Variants in MBIP observed in about 807,000 individuals in gnomAD.
MBIP encodes the protein MAP3K12-binding inhibitory protein 1.
MBIP carries 32 observed loss-of-function variants against 45.7 expected under a neutral mutation model. That is an observed-to-expected ratio of 0.70 (90% confidence interval 0.53 to 0.94). The LOEUF is 0.94. MBIP is among the 40% of genes least tolerant of loss of function. The pLI, the probability that MBIP is intolerant of heterozygous loss-of-function variation, is 0.00. For synonymous variants in MBIP, 145 were observed against 141.0 expected (o/e 1.03, Z -0.20); for missense variants, 381 against 405.5 (o/e 0.94, Z 0.52).
chr14:36,306,038 T>C (rs1879857231), intron 7 of MBIP, among the ~76,000 whole-genome samples: 1 of 152,214 alleles, frequency 6.6e-6, no homozygotes, highest in African/African-American at 2.4e-5. Context: ...AAATATCGTG[T>C]TCACAAATCA....
intron 8 of MBIP, among the ~76,000 whole-genome samples, chr14:36,300,523 T>G (rs1414666454): frequency 6.6e-6 from 1 of 152,210 alleles, no homozygotes; most frequent in Non-Finnish European, 1.5e-5. Context: ...CACTTACTAT[T>G]TTTAAGCACT....
chr14:36,304,908 G>A (rs978021690), intron 7 of MBIP, among the ~76,000 whole-genome samples: 4 of 152,134 alleles, frequency 2.6e-5, no homozygotes, highest in Admixed American at 1.3e-4. Context: ...ATGTGAATCT[G>A]AATAAACACA....
intron 7 of MBIP, among the ~76,000 whole-genome samples, chr14:36,304,731 G>A (rs917662723): frequency 1.3e-5 from 2 of 152,100 alleles, no homozygotes; most frequent in African/African-American, 2.4e-5. Flanking sequence ...ATGTCTGGTC[G>A]TAAAATGAGA....
Position 36,308,198 on chromosome 14 carries a change from AT to A in MBIP, c.791-10del. 1 of 1,392,016 alleles carries A rather than the reference AT, an allele frequency of 7.2e-7. No homozygotes were observed. The highest frequency in any genetic ancestry group is 1.0e-6 in the Non-Finnish European group (1 of 1,004,032). The allele number at this position is 1,392,016 out of a possible 1,614,324, so 86.2% of individuals were successfully genotyped here. The stretch of plus-strand genomic sequence containing the variant: ...TCTTGGCACTGGACCACCTAAATAC[AT>A]TAAAAAAAAATCTGAGATACTATTG... On this transcript the variant is annotated splice_polypyrimidine_tract_variant and intron_variant, in intron 6 of 8. Transcript: ENST00000416007.
rs191454662 is a variant in MBIP, at chr14:36,320,620, C to G, written c.-32G>C. ...TTCTCAGGCCGCCCCACCACCACCA[C>G]CACCAAGATTTGCTCACAACCCCGC... On this transcript the variant is annotated 5_prime_UTR_variant, in exon 1 of 9. Transcript: ENST00000416007. The G allele has an allele frequency of 6.5e-5, 102 of 1,577,820 alleles. No individual in the cohort carries two copies. In the East Asian group the frequency reaches 1.8e-3, roughly 28 times the overall value.
At position 36,299,204 on chromosome 14, in the gene MBIP, C is replaced by T. The variant is rs757317256; in HGVS notation, c.928-14G>A. 86 of 1,559,858 alleles carry T rather than the reference C, an allele frequency of 5.5e-5. No individual in the cohort carries two copies. The highest frequency in any genetic ancestry group is 2.0e-4 in the East Asian group (9 of 44,554). The stretch of plus-strand genomic sequence containing the variant: ...TGAATAGTTCTGCTGTAAACAATAA[C>T]GACACAAATTGCTGAATAAGATTCT... On this transcript the variant is annotated splice_polypyrimidine_tract_variant and intron_variant, in intron 8 of 8. Transcript: ENST00000416007.
chr14:36,312,082 G>A, intron 4 of MBIP, 58 bp from the exon 5 acceptor site: 1 of 932,144 alleles, frequency 1.1e-6, no homozygotes, highest in East Asian at 2.7e-5. Flanking sequence ...AAATGTATGA[G>A]ATTTTAATAA....
chr14:36,316,739 G>A lies in MBIP; in HGVS notation c.203C>T (p.Pro68Leu). 6.2e-7 allele frequency: 1 copy of A among 1,613,038 alleles called. No homozygotes were observed. The highest frequency in any genetic ancestry group is 2.2e-5 in the East Asian group (1 of 44,844). ...NKLQSLSAFQPALLFSALEQH... is the reference protein window; with the variant it reads ...NKLQSLSAFQLALLFSALEQH... ...TTCAAGTGCACTAAAGAGCAATGCA[G>A]GCTGGAATGCCGAGAGGCTCTGGAG... The change falls in exon 2 of 9, where the codon CCT becomes CTT. Residue 68 changes from proline to leucine, a missense_variant. Transcript: ENST00000416007.
chr14:36,299,859 T>C (rs534048528), intron 8 of MBIP, among the ~76,000 whole-genome samples: 1 of 152,176 alleles, frequency 6.6e-6, no homozygotes, highest in Admixed American at 6.6e-5. Flanking sequence ...CTCACTTATA[T>C]ATTAATATTT....
intron 4 of MBIP, among the ~76,000 whole-genome samples, chr14:36,312,719 G>C (rs1428645253): frequency 1.3e-5 from 2 of 151,902 alleles, no homozygotes; most frequent in East Asian, 3.9e-4. Flanking sequence ...AATTACAAAA[G>C]GGGAAAATTG....
In MBIP at chr14:36,312,161, T is replaced by C. The variant is rs1413741685; in HGVS notation, c.572-137A>G. 8.5e-6 allele frequency: 4 copies of C among 472,646 alleles called. No homozygotes were observed. The East Asian group carries it at 1.4e-4, about 16-fold the overall frequency. The allele number at this position is 472,646 out of a possible 1,614,324, so 29.3% of individuals were successfully genotyped here. A position where few individuals can be genotyped will look rare whatever the true frequency, so the allele number is the denominator to read the frequency against. On this transcript the variant is annotated intron_variant, in intron 4 of 8. Transcript: ENST00000416007. ...ATAAATAATAGTAACAATAAATTAC[T>C]ATCACACATAGGATAGAATTTAGTG... is the stretch of plus-strand genomic sequence containing the variant.
chr14:36,319,159 T>C (rs1447119135), intron 1 of MBIP, among the ~76,000 whole-genome samples: 1 of 152,194 alleles, frequency 6.6e-6, no homozygotes, highest in Non-Finnish European at 1.5e-5. Flanking sequence ...CATTGCTCAG[T>C]ATTTTTTAAA....
At position 36,300,799 on chromosome 14, in the gene MBIP, C is replaced by T. The variant is rs976486813; in HGVS notation, c.913G>A (p.Val305Ile). ...SVSFSGKRRK[V>I]QPPQQNYSLA... ...CAGTAACTTACTTGAGGTGGTTGAA[C>T]TTTTCTTCTTTTTCCAGAAAAGCTC... Residue 305 changes from valine to isoleucine, a missense_variant, in exon 8 of 9, where the codon GTT becomes ATT. Coordinates refer to ENST00000416007, the MANE Select transcript of MBIP (RefSeq NM_016586.3). 6.5e-7 allele frequency: 1 copy of T among 1,541,492 alleles called. No individual in the cohort carries two copies. The highest frequency in any genetic ancestry group is 8.8e-7 in the Non-Finnish European group (1 of 1,136,532).
At chr14:36,303,907 C>T (rs1484524481) in intron 7 of MBIP, among the ~76,000 whole-genome samples, 1 of 152,028 alleles carries the variant, frequency 6.6e-6, no homozygotes, top group African/African-American at 2.4e-5. Context: ...GTTTCCTAAA[C>T]TAGTTTCCTT....
At chr14:36,312,394 T>C (rs1164018792) in intron 4 of MBIP, among the ~76,000 whole-genome samples, 2 of 152,148 alleles carry the variant, frequency 1.3e-5, no homozygotes, top group Non-Finnish European at 2.9e-5. Context: ...TCATTTTTAC[T>C]AGAATTCTTT....
At chr14:36,311,846 G>T in intron 5 of MBIP, 113 bp downstream of exon 5, 2 of 1,166,560 alleles carry the variant, frequency 1.7e-6, no homozygotes, top group Non-Finnish European at 2.4e-6. Context: ...ATGAAGGACG[G>T]CAAGATGTTT....
At chr14:36,313,691 G>A (rs191775243) in intron 4 of MBIP, 3 of 152,206 alleles carry the variant, frequency 2.0e-5, no homozygotes, top group African/African-American at 4.8e-5. Flanking sequence ...ATTTCATTAA[G>A]AGAATCAGTG....
At position 36,307,523 on chromosome 14, in the gene MBIP, C is replaced by G. The variant is rs138868189; in HGVS notation, c.888+569G>C. Among the ~76,000 whole-genome samples, 904 of 152,248 alleles carry G rather than the reference C, an allele frequency of 5.9e-3. 9 individuals are homozygous for G. Among genetic ancestry groups the G allele is most frequent in the South Asian group, 0.046 (221 of 4,830 alleles). On this transcript the variant is annotated intron_variant, in intron 7 of 8. Transcript: ENST00000416007. ...GAAAAATGTTGATGTGCCAAAGATA[C>G]TAACTTACCAGCACAACACTGTTTC...
In MBIP at chr14:36,320,528, A is replaced by T. The variant is rs1430397547; in HGVS notation, c.61T>A (p.Cys21Ser). ...SSGDRNLERRCRPNLSREVLY... is the reference protein window; with the variant it reads ...SSGDRNLERRSRPNLSREVLY... ...ACCTCTCGGGAGAGGTTGGGTCTGC[A>T]TCTTCGCTCCAGGTTCCTGTCACCG... Residue 21 changes from cysteine to serine, a missense_variant, in exon 1 of 9, where the codon TGC becomes AGC. Coordinates refer to ENST00000416007, the MANE Select transcript of MBIP (RefSeq NM_016586.3). 6.2e-7 allele frequency: 1 copy of T among 1,613,736 alleles called. No homozygotes were observed. The highest frequency in any genetic ancestry group is 1.3e-5 in the African/African-American group (1 of 74,976).
Sources: allele counts gnomAD v4.1 joint callset (sites outside exome capture counted in the v4.1 genomes callset), GRCh38; gene constraint gnomAD v4.1.1; transcripts MANE v1.5; gene names NCBI Gene and HGNC (gene_info 2026-07-23, HGNC 2026-07-21).